The following DACH1 variants were observed in gnomAD, a reference collection of about 807,000 sequenced individuals.
DACH1 encodes the protein dachshund family transcription factor 1.
DACH1 carries 12 observed loss-of-function variants against 54.2 expected under a neutral mutation model. The observed-to-expected ratio is 0.22, with a 90% confidence interval of 0.14 to 0.36. The LOEUF (loss-of-function observed/expected upper bound fraction) is 0.36, where lower values mean the gene tolerates loss of function less well. Ranked by LOEUF, DACH1 falls within the 10% of genes least tolerant of loss-of-function variation. The pLI is 1.00. For synonymous variants in DACH1, 386 were observed against 366.2 expected (o/e 1.05, Z -0.62); for missense variants, 805 against 929.8 (o/e 0.87, Z 1.75).
intron 6 of DACH1, among the ~76,000 whole-genome samples, 165 bp from the exon 7 acceptor site, chr13:71,489,313 G>C (rs1878798390): frequency 6.6e-6 from 1 of 152,088 alleles, no homozygotes; most frequent in African/African-American, 2.4e-5. Flanking sequence ...AAAAGCTGTG[G>C]AGATACAACA....
Position 71,675,216 on chromosome 13 carries a change from A to G in DACH1, c.964+6579T>C, listed in dbSNP as rs1477434647. 17 of 1,573,540 alleles carry G rather than the reference A, an allele frequency of 1.1e-5. No individual in the cohort carries two copies. The Admixed American group carries it at 2.5e-4, about 23-fold the overall frequency. On this transcript the variant is annotated intron_variant, in intron 2 of 10. Coordinates refer to ENST00000613252, the MANE Select transcript of DACH1 (RefSeq NM_080759.6). The stretch of plus-strand genomic sequence containing the variant: ...GGCCTGGTACTGTGGCGCTCCGTGA[A>G]GTTAGACGTTATCAGAAGTCCACTG...
chr13:71,510,882 G>A (rs1237520285), intron 6 of DACH1, among the ~76,000 whole-genome samples: 1 of 151,428 alleles, frequency 6.6e-6, no homozygotes, highest in Non-Finnish European at 1.5e-5. Flanking sequence ...ATTATTCTAT[G>A]TAACTCTCAC....
intron 1 of DACH1, among the ~76,000 whole-genome samples, chr13:71,746,079 G>A (rs554012934): frequency 1.7e-4 from 26 of 152,154 alleles, no homozygotes; most frequent in Admixed American, 6.5e-4. Flanking sequence ...TTAGCTGGGC[G>A]TGGTGGCACA....
chr13:71,647,957 C>G (rs1427204108), intron 2 of DACH1, among the ~76,000 whole-genome samples: 1 of 152,158 alleles, frequency 6.6e-6, no homozygotes, highest in East Asian at 1.9e-4. Context: ...CTACTTTATT[C>G]TCATAATGAA....
chr13:71,698,858 T>C (rs1205718140), intron 1 of DACH1, among the ~76,000 whole-genome samples: 2 of 152,144 alleles, frequency 1.3e-5, no homozygotes, highest in East Asian at 3.8e-4. Flanking sequence ...GTTCTATTTA[T>C]TTATTTTTAA....
chr13:71,547,370 G>A (rs1883528460), intron 6 of DACH1, among the ~76,000 whole-genome samples: 1 of 152,096 alleles, frequency 6.6e-6, no homozygotes, highest in South Asian at 2.1e-4. Flanking sequence ...GATGGCATAT[G>A]GAGGAAAATG....
intron 1 of DACH1, among the ~76,000 whole-genome samples, chr13:71,721,452 T>G (rs1394290315): frequency 1.3e-5 from 2 of 152,256 alleles, no homozygotes; most frequent in African/African-American, 4.8e-5. Flanking sequence ...AAATGCCACT[T>G]TTACTCATTT....
At chr13:71,712,036 T>C (rs530079468) in intron 1 of DACH1, among the ~76,000 whole-genome samples, 133 of 152,238 alleles carry the variant, frequency 8.7e-4, no homozygotes, top group South Asian at 2.1e-3. Flanking sequence ...CAAAGATTCA[T>C]CTGTTATCTT....
chr13:71,500,783 CT>C (rs200929135), intron 6 of DACH1, among the ~76,000 whole-genome samples: 1 of 151,064 alleles, frequency 6.6e-6, no homozygotes, highest in African/African-American at 2.4e-5. Flanking sequence ...GAACTCTGGC[CT>C]TTTTTTTTCT....
intron 1 of DACH1, among the ~76,000 whole-genome samples, chr13:71,814,678 T>C (rs1271647724): frequency 1.3e-5 from 2 of 152,242 alleles, no homozygotes; most frequent in Admixed American, 1.3e-4. Context: ...AATGGAACTG[T>C]ACAAGAAATT....
chr13:71,583,380 A>C (rs79519598), intron 3 of DACH1, among the ~76,000 whole-genome samples: 9,588 of 152,270 alleles, frequency 0.063, 1,011 homozygotes, highest in African/African-American at 0.22. Context: ...TAAATAATGA[A>C]TGATGAAATA....
At chr13:71,693,044 TATCTTA>T (rs1025485967) in intron 1 of DACH1, among the ~76,000 whole-genome samples, 11 of 152,150 alleles carry the variant, frequency 7.2e-5, no homozygotes, top group Non-Finnish European at 1.3e-4. Flanking sequence ...AATCACTTAT[TATCTTA>T]ATCTTAATCA....
At chr13:71,474,260 G>T (rs1877328769) in intron 10 of DACH1, among the ~76,000 whole-genome samples, 1 of 152,072 alleles carries the variant, frequency 6.6e-6, no homozygotes, top group Non-Finnish European at 1.5e-5. Context: ...ACTAAGCCAA[G>T]AATGACATAT....
intron 8 of DACH1, among the ~76,000 whole-genome samples, chr13:71,478,801 A>G (rs1474472819): frequency 6.6e-6 from 1 of 152,166 alleles, no homozygotes; most frequent in Non-Finnish European, 1.5e-5. Flanking sequence ...TTTCTATTTT[A>G]GCTTTATGAG....
At chr13:71,667,142 C>G (rs1879897219) in intron 2 of DACH1, among the ~76,000 whole-genome samples, 1 of 152,092 alleles carries the variant, frequency 6.6e-6, no homozygotes, top group Admixed American at 6.6e-5. Context: ...AACAGCAGCA[C>G]AGTCAATTCT....
intron 10 of DACH1, among the ~76,000 whole-genome samples, chr13:71,456,776 G>A (rs1400933352): frequency 2.0e-5 from 3 of 151,952 alleles, no homozygotes; most frequent in Non-Finnish European, 2.9e-5. Context: ...GATAATAAAC[G>A]TTGGCTGTTT....
At chr13:71,679,457 C>T (rs1326813900) in intron 2 of DACH1, among the ~76,000 whole-genome samples, 2 of 151,960 alleles carry the variant, frequency 1.3e-5, no homozygotes, top group Non-Finnish European at 2.9e-5. Flanking sequence ...TAAATATGGG[C>T]AGACAAATCT....
chr13:71,575,457 G>A (rs1467879653), intron 3 of DACH1, among the ~76,000 whole-genome samples: 1 of 151,644 alleles, frequency 6.6e-6, no homozygotes, highest in Non-Finnish European at 1.5e-5. Flanking sequence ...CTCTTTTATT[G>A]AAGTCCTTAC....
intron 1 of DACH1, among the ~76,000 whole-genome samples, chr13:71,702,319 T>C (rs1160898690): frequency 6.6e-6 from 1 of 152,152 alleles, no homozygotes; most frequent in African/African-American, 2.4e-5. Flanking sequence ...ATTTCCAAAG[T>C]TTGCCACCAG....
Sources: gnomAD v4.1 joint callset for allele counts (sites outside exome capture counted in the v4.1 genomes callset) on GRCh38, gnomAD v4.1.1 for gene constraint, MANE v1.5 for transcripts, NCBI Gene and HGNC (gene_info 2026-07-23, HGNC 2026-07-21) for gene names.